The following SMCO1 variants were observed in gnomAD, a reference collection of about 807,000 sequenced individuals.
SMCO1 encodes single-pass membrane protein with coiled-coil domains 1, also known as single-pass membrane and coiled-coil domain-containing protein 1.
In SMCO1, 9 loss-of-function variants were observed where a neutral mutation model predicts 7.5. The ratio of observed to expected loss-of-function variants is 1.20; its 90% CI spans 0.72 to 2.09. The LOEUF is 2.09. SMCO1 is among the 30% of genes most tolerant of loss of function. SMCO1 has a pLI of 0.00. For synonymous variants in SMCO1, 90 were observed against 93.8 expected (o/e 0.96, Z 0.23); for missense variants, 219 against 253.1 (o/e 0.87, Z 0.91).
rs751884111 is a variant in SMCO1 at position 196,509,512 on chromosome 3, A to T, written c.200+8T>A. Reference sequence around the variant, plus strand: ...CAGAATCCCACTGATTTCTCAATTGATACTCACTGGAGTGCCCGAACTGCT... The same window carrying T: ...CAGAATCCCACTGATTTCTCAATTGTTACTCACTGGAGTGCCCGAACTGCT... On this transcript the variant is annotated splice_region_variant and intron_variant, in intron 2 of 2. Transcript: ENST00000397537. 3.9e-5 allele frequency: 63 copies of T among 1,603,456 alleles called. No individual in the cohort carries two copies. In the South Asian group the frequency reaches 6.8e-4, roughly 17 times the overall value.
At chr3:196,517,233 T>C (rs543665238), upstream of SMCO1, among the ~76,000 whole-genome samples, 2 of 150,602 alleles carry the variant, frequency 1.3e-5, no homozygotes, top group African/African-American at 4.9e-5. Context: ...ATTTCCTGAG[T>C]GATAGGAGTG....
At chr3:196,514,335 A>C (rs1733325982) in intron 1 of SMCO1, among the ~76,000 whole-genome samples, 4 of 148,912 alleles carry the variant, frequency 2.7e-5, no homozygotes, top group Non-Finnish European at 6.1e-5. Context: ...CCAAGCTTAC[A>C]TATGGCTTAT....
chr3:196,518,972 T>C (rs1294456082), upstream of SMCO1, among the ~76,000 whole-genome samples: 2 of 152,196 alleles, frequency 1.3e-5, no homozygotes, highest in Non-Finnish European at 2.9e-5. Flanking sequence ...GAAAAGTTCT[T>C]AAGCAATTGA....
chr3:196,511,527 A>G (rs113970107), intron 1 of SMCO1, among the ~76,000 whole-genome samples: 66 of 59,964 alleles, frequency 1.1e-3, no homozygotes, highest in East Asian at 2.1e-3. Flanking sequence ...TGCCTGGGCC[A>G]CCTAGATTGT....
At chr3:196,515,040 C>T (rs1733349735) in intron 1 of SMCO1, 120 bp downstream of exon 1, 1 of 1,274,920 alleles carries the variant, frequency 7.8e-7, no homozygotes, top group South Asian at 1.2e-5. Context: ...GCACCGGCCA[C>T]AGAGACAGAA....
upstream of SMCO1, among the ~76,000 whole-genome samples, chr3:196,516,217 AAAT>A (rs1733387649): frequency 6.6e-6 from 1 of 151,100 alleles, no homozygotes; most frequent in African/African-American, 2.4e-5. Flanking sequence ...ATATATCCTT[AAAT>A]AGAAAATGTA....
At chr3:196,509,373 T>C (rs6803596) in intron 2 of SMCO1, 147 bp downstream of exon 2, 346,733 of 802,174 alleles carry the variant, frequency 0.43, 81,756 homozygotes, top group African/African-American at 0.75. Context: ...CAAATTAATC[T>C]TTTTTTAAAA....
upstream of SMCO1, among the ~76,000 whole-genome samples, chr3:196,517,106 A>C: frequency 1.8e-5 from 1 of 54,920 alleles, no homozygotes; most frequent in East Asian, 1.5e-3. Context: ...CTCCATCGCA[A>C]AAAAAAAAAA....
upstream of SMCO1, among the ~76,000 whole-genome samples, chr3:196,517,696 C>G (rs889711822): frequency 4.6e-5 from 7 of 152,022 alleles, no homozygotes; most frequent in African/African-American, 7.2e-5. Flanking sequence ...TTGAGATGGA[C>G]TCTCACTCTG....
chr3:196,515,054 TA>T, intron 1 of SMCO1, 105 bp downstream of exon 1: 1 of 1,366,454 alleles, frequency 7.3e-7, no homozygotes. Flanking sequence ...GACAGAATTC[TA>T]ATGAGCATGT....
the SMCO1 span, among the ~76,000 whole-genome samples, chr3:196,520,492 C>T: frequency 6.6e-6 from 1 of 152,098 alleles, no homozygotes; most frequent in Non-Finnish European, 1.5e-5. Flanking sequence ...CCAGCTCCAC[C>T]ATCTTCAATA....
At chr3:196,516,082 G>A (rs1182971071), upstream of SMCO1, among the ~76,000 whole-genome samples, 10 of 119,832 alleles carry the variant, frequency 8.3e-5, no homozygotes, top group Admixed American at 1.9e-4. Context: ...AATTTATATC[G>A]TATATAAAAT....
intron 2 of SMCO1, among the ~76,000 whole-genome samples, 190 bp from the exon 3 acceptor site, chr3:196,508,521 T>A (rs913107306): frequency 6.6e-6 from 1 of 151,942 alleles, no homozygotes; most frequent in Non-Finnish European, 1.5e-5. Context: ...AGAGACAGGG[T>A]CTCACTTTGT....
chr3:196,510,293 T>G (rs1733184483), intron 1 of SMCO1, among the ~76,000 whole-genome samples: 1 of 152,292 alleles, frequency 6.6e-6, no homozygotes, highest in Middle Eastern at 3.4e-3. Context: ...AGAGAATATT[T>G]TATGTAAGCA....
At chr3:196,512,850 T>C (rs1194549073) in intron 1 of SMCO1, among the ~76,000 whole-genome samples, 1 of 152,112 alleles carries the variant, frequency 6.6e-6, no homozygotes, top group Non-Finnish European at 1.5e-5. Context: ...TCCACAAAGA[T>C]GGAGATGTCA....
upstream of SMCO1, among the ~76,000 whole-genome samples, chr3:196,515,988 GATATATATATATATATATATAT>G (rs200613159): frequency 1.1e-3 from 26 of 23,894 alleles, 1 homozygote; most frequent in South Asian, 4.4e-3. Flanking sequence ...AAGAGGATAG[GATATATATATATATATATATAT>G]ATATATATAT....
chr3:196,519,114 C>T (rs1490108949), upstream of SMCO1, among the ~76,000 whole-genome samples: 1 of 152,210 alleles, frequency 6.6e-6, no homozygotes, highest in Non-Finnish European at 1.5e-5. Context: ...CTTTTTCTAT[C>T]TGCGATCACT....
rs1397817635 is a variant in SMCO1 at position 196,508,098 on chromosome 3, G to A, written c.434C>T (p.Ala145Val). The change falls in exon 3 of 3, where the codon GCA (alanine) becomes GTA (valine). Residue 145 changes from alanine (A) to valine (V), a missense_variant. Coordinates refer to ENST00000397537, the MANE Select transcript of SMCO1 (RefSeq NM_001077657.3). ...DITALCTFFIARGNKAEHYTA... is the reference protein window; with the variant it reads ...DITALCTFFIVRGNKAEHYTA... ...ATAGTGTTCTGCCTTGTTACCACGTGCAATAAAGAAGGTACAAAGTGCTGT... is the reference window on the plus strand; with the variant it reads ...ATAGTGTTCTGCCTTGTTACCACGTACAATAAAGAAGGTACAAAGTGCTGT... 1 of 1,614,072 alleles carries A rather than the reference G, an allele frequency of 6.2e-7. No individual in the cohort carries two copies. The highest frequency in any genetic ancestry group is 8.5e-7 in the Non-Finnish European group (1 of 1,179,996).
At chr3:196,518,858 A>G (rs76048121), upstream of SMCO1, among the ~76,000 whole-genome samples, 3,568 of 152,274 alleles carry the variant, frequency 0.023, 147 homozygotes, top group African/African-American at 0.081. Flanking sequence ...CTTACTGGGG[A>G]GAACATGGAG....
Sources: gnomAD v4.1 joint callset for allele counts (sites outside exome capture counted in the v4.1 genomes callset) on GRCh38, gnomAD v4.1.1 for gene constraint, MANE v1.5 for transcripts, NCBI Gene and HGNC (gene_info 2026-07-23, HGNC 2026-07-21) for gene names.